Variants in GFRA1 observed in about 807,000 individuals in gnomAD.
The protein encoded by GFRA1 is GDNF family receptor alpha 1.
In GFRA1, 16 loss-of-function variants were observed where a neutral mutation model predicts 51.6. That is an observed-to-expected ratio of 0.31 (90% CI 0.21 to 0.47). The LOEUF (loss-of-function observed/expected upper bound fraction) is 0.47, where lower values mean the gene tolerates loss of function less well. Among genes scored for constraint, GFRA1 ranks in the 20% least tolerant of loss-of-function variants. The pLI, the probability that GFRA1 is intolerant of heterozygous loss-of-function variation, is 1.00. For missense variants in GFRA1, 530 were observed against 594.3 expected (o/e 0.89, Z 1.13); for synonymous variants, 270 against 241.3 (o/e 1.12, Z -1.10).
At position 116,096,742 on chromosome 10, in the gene GFRA1, T is replaced by A. The variant is rs755702092; in HGVS notation, c.793A>T (p.Thr265Ser). The stretch of plus-strand genomic sequence containing the variant: ...GACCTTGACTCTGGCTGGCAGTTGG[T>A]AAAAAAATCCGCAAGGCGAGATCTA... ...ICRSRLADFF[T>S]NCQPESRSVS... Residue 265 changes from threonine to serine, a missense_variant, in exon 7 of 11, where the codon ACC becomes TCC. Transcript: ENST00000355422. 18 of 1,596,914 alleles carry A rather than the reference T, an allele frequency of 1.1e-5. No homozygotes were observed. In the South Asian group the frequency reaches 1.8e-4, roughly 16 times the overall value.
intron 5 of GFRA1, among the ~76,000 whole-genome samples, chr10:116,135,954 A>C (rs1958306588): frequency 6.6e-6 from 1 of 152,172 alleles, no homozygotes; most frequent in Non-Finnish European, 1.5e-5. Flanking sequence ...TTCAACCATG[A>C]AATTTGCTAT....
At chr10:116,090,448 A>AAAC (rs1446168425) in intron 8 of GFRA1, among the ~76,000 whole-genome samples, 1 of 151,396 alleles carries the variant, frequency 6.6e-6, no homozygotes, top group Non-Finnish European at 1.5e-5. Context: ...AAAAAAAAAA[A>AAAC]AAAAAACTAC....
At chr10:116,134,030 A>T (rs2134062827) in intron 5 of GFRA1, among the ~76,000 whole-genome samples, 1 of 152,366 alleles carries the variant, frequency 6.6e-6, no homozygotes, top group African/African-American at 2.4e-5. Context: ...TAACCAGTTG[A>T]AACGATTCAG....
chr10:116,134,503 A>G (rs966076630), intron 5 of GFRA1, among the ~76,000 whole-genome samples: 1 of 152,230 alleles, frequency 6.6e-6, no homozygotes, highest in African/African-American at 2.4e-5. Flanking sequence ...TGATCCTTCA[A>G]GAGCTTGGCT....
chr10:116,064,807 T>C (rs564927704), intron 10 of GFRA1, among the ~76,000 whole-genome samples: 90 of 152,196 alleles, frequency 5.9e-4, no homozygotes, highest in Non-Finnish European at 9.6e-4. Flanking sequence ...TAAATTCATT[T>C]TGGGGGAAGA....
chr10:116,076,147 TAGTACTAACATAGTACTGG>T (rs1163747054), intron 9 of GFRA1, among the ~76,000 whole-genome samples: 123 of 152,248 alleles, frequency 8.1e-4, no homozygotes, highest in African/African-American at 2.9e-3. Context: ...GTCCACTACA[TAGTACTAACATAGTACTGG>T]GGTACTATAA....
chr10:116,092,291 C>T (rs1308166107), intron 8 of GFRA1, among the ~76,000 whole-genome samples: 1 of 152,132 alleles, frequency 6.6e-6, no homozygotes, highest in African/African-American at 2.4e-5. Context: ...AGGCCCAAAG[C>T]AATTGACTAC....
In GFRA1 at chr10:116,070,406, C is replaced by T. The variant is rs148811918; in HGVS notation, c.1198-4780G>A. Among the ~76,000 whole-genome samples the T allele has an allele frequency of 4.6e-5, 7 of 152,244 alleles. No individual in the cohort carries two copies. The East Asian group carries it at 9.7e-4, about 21-fold the overall frequency. On this transcript the variant is annotated intron_variant, in intron 9 of 10. Transcript: ENST00000355422. ...GCTAGGGAAAACCACTGTATGAGTT[C>T]GTCCCAAAACAGTCCAGAAGCAGAA...
Position 116,064,088 on chromosome 10 carries a change from C to G in GFRA1, c.*310G>C, listed in dbSNP as rs1280623650. ...TCATCATGATCATGATGATCATCAT[C>G]ATGATCATCATCATCATCGAAAACA... On this transcript the variant is annotated 3_prime_UTR_variant, in exon 11 of 11. Coordinates refer to ENST00000355422, the MANE Select transcript of GFRA1 (RefSeq NM_005264.8). 16 of 173,212 alleles carry G rather than the reference C, an allele frequency of 9.2e-5. No homozygotes were observed. Among genetic ancestry groups the G allele is most frequent in the Admixed American group, 2.5e-4 (3 of 11,822 alleles). The allele number at this position is 173,212 out of a possible 1,614,324, so 10.7% of individuals were successfully genotyped here.
Position 116,154,336 on chromosome 10 carries a change from G to C in GFRA1, c.434-28779C>G, listed in dbSNP as rs568408317. Among the ~76,000 whole-genome samples, 31 of 152,262 alleles carry C rather than the reference G, an allele frequency of 2.0e-4. No individual in the cohort carries two copies. The South Asian group carries it at 6.2e-3, about 31-fold the overall frequency. On this transcript the variant is annotated intron_variant, in intron 5 of 10. Transcript: ENST00000355422. ...ACGACCAAATATCCAACTGTAGAAA[G>C]GATAAACTGCAATGTAGTCATACGA...
intron 8 of GFRA1, 148 bp from the exon 9 acceptor site, chr10:116,090,070 A>T (rs968134520): frequency 2.6e-6 from 2 of 757,270 alleles, no homozygotes; most frequent in Non-Finnish European, 4.5e-6. Context: ...TGCCCTATAC[A>T]TGCTGAGAGC....
chr10:116,193,721 C>T (rs1472248251), intron 5 of GFRA1, among the ~76,000 whole-genome samples: 3 of 152,152 alleles, frequency 2.0e-5, no homozygotes, highest in African/African-American at 4.8e-5. Flanking sequence ...ATTACCTGTG[C>T]CAGCCCTGGA....
intron 8 of GFRA1, among the ~76,000 whole-genome samples, chr10:116,091,132 C>T (rs1956316303): frequency 6.6e-6 from 1 of 152,222 alleles, no homozygotes; most frequent in African/African-American, 2.4e-5. Context: ...ATTCAAGAGA[C>T]TCACAGTTTC....
chr10:116,150,925 A>T (rs1215488272), intron 5 of GFRA1, among the ~76,000 whole-genome samples: 1 of 152,070 alleles, frequency 6.6e-6, no homozygotes, highest in Non-Finnish European at 1.5e-5. Context: ...TTATTTTCGC[A>T]TCGAAAATCA....
At chr10:116,140,745 A>G (rs1280019305) in intron 5 of GFRA1, among the ~76,000 whole-genome samples, 1 of 152,190 alleles carries the variant, frequency 6.6e-6, no homozygotes, top group Non-Finnish European at 1.5e-5. Flanking sequence ...AGACTTCTTT[A>G]AACTGTCAAT....
chr10:116,107,034 T>C (rs747277231), intron 6 of GFRA1, among the ~76,000 whole-genome samples: 1 of 152,214 alleles, frequency 6.6e-6, no homozygotes, highest in Non-Finnish European at 1.5e-5. Flanking sequence ...GCCAGCACCA[T>C]GCTTCCTGTA....
intron 4 of GFRA1, among the ~76,000 whole-genome samples, chr10:116,225,193 A>T (rs1167741261): frequency 6.6e-6 from 1 of 152,146 alleles, no homozygotes; most frequent in Non-Finnish European, 1.5e-5. Context: ...GGTCACCAAA[A>T]AAGGTAAAAT....
chr10:116,201,825 C>T (rs1319559727), intron 5 of GFRA1, among the ~76,000 whole-genome samples: 3 of 152,282 alleles, frequency 2.0e-5, no homozygotes, highest in South Asian at 4.2e-4. Context: ...ACCCCCCTCA[C>T]CTCTGCCACC....
intron 4 of GFRA1, among the ~76,000 whole-genome samples, chr10:116,241,353 GA>G (rs1459228843): frequency 6.6e-6 from 1 of 151,980 alleles, no homozygotes; most frequent in Non-Finnish European, 1.5e-5. Context: ...AGGCTTTGGA[GA>G]ACCGAATCTG....
Sources: allele counts gnomAD v4.1 joint callset (sites outside exome capture counted in the v4.1 genomes callset), GRCh38; gene constraint gnomAD v4.1.1; transcripts MANE v1.5; gene names NCBI Gene and HGNC (gene_info 2026-07-23, HGNC 2026-07-21).